Variants in ST6GALNAC3 observed in about 807,000 individuals in gnomAD.
ST6GALNAC3 encodes alpha-N-acetylgalactosaminide alpha-2,6-sialyltransferase 3.
In ST6GALNAC3, 25 loss-of-function variants were observed where a neutral mutation model predicts 32.7. The ratio of observed to expected loss-of-function variants is 0.76; its 90% CI spans 0.56 to 1.07. ST6GALNAC3 has a LOEUF of 1.07. Among genes scored for constraint, ST6GALNAC3 ranks in the 50% least tolerant of loss-of-function variants. The pLI, the probability that ST6GALNAC3 is intolerant of heterozygous loss-of-function variation, is 0.00. For synonymous variants in ST6GALNAC3, 129 were observed against 133.1 expected, an observed-to-expected ratio of 0.97 and a Z score of 0.21; for missense variants, 355 against 382.4, an observed-to-expected ratio of 0.93 and a Z score of 0.60.
At chr1:76,184,629 C>G (rs1653434068) in intron 1 of ST6GALNAC3, among the ~76,000 whole-genome samples, 1 of 151,434 alleles carries the variant, frequency 6.6e-6, no homozygotes, top group African/African-American at 2.4e-5. Flanking sequence ...AATGGCAGTA[C>G]AAAATTGAGC....
At chr1:76,101,088 G>T (rs1647213855) in intron 1 of ST6GALNAC3, among the ~76,000 whole-genome samples, 1 of 151,922 alleles carries the variant, frequency 6.6e-6, no homozygotes, top group African/African-American at 2.4e-5. Flanking sequence ...TATGAGTTTT[G>T]GACAAATATA....
chr1:76,075,026 A>G (rs1646793710), intron 1 of ST6GALNAC3, 142 bp downstream of exon 1: 1 of 1,046,714 alleles, frequency 9.6e-7, no homozygotes, highest in Non-Finnish European at 1.4e-6. Context: ...CCTTTGGCAA[A>G]TGCATATGGA....
chr1:76,460,595 G>T (rs1658214746), intron 3 of ST6GALNAC3, among the ~76,000 whole-genome samples: 1 of 152,160 alleles, frequency 6.6e-6, no homozygotes, highest in African/African-American at 2.4e-5. Context: ...CATCTGTAAA[G>T]TTTCATCACT....
chr1:76,341,586 T>C (rs575117746), intron 2 of ST6GALNAC3, among the ~76,000 whole-genome samples: 1 of 151,884 alleles, frequency 6.6e-6, no homozygotes, highest in East Asian at 2.0e-4. Context: ...TTTAGTTCTT[T>C]CAGAAATCTC....
At chr1:76,609,615 G>T (rs566150369) in intron 3 of ST6GALNAC3, among the ~76,000 whole-genome samples, 1 of 152,050 alleles carries the variant, frequency 6.6e-6, no homozygotes, top group Admixed American at 6.6e-5. Context: ...AAAAAATTGG[G>T]GGTGGGGAGA....
intron 2 of ST6GALNAC3, among the ~76,000 whole-genome samples, chr1:76,392,325 C>T (rs1198808129): frequency 6.6e-6 from 1 of 152,032 alleles, no homozygotes; most frequent in African/African-American, 2.4e-5. Context: ...ACATTATTTC[C>T]AACAACATTC....
intron 2 of ST6GALNAC3, among the ~76,000 whole-genome samples, chr1:76,351,073 G>A (rs945782741): frequency 6.6e-6 from 1 of 152,156 alleles, no homozygotes; most frequent in Non-Finnish European, 1.5e-5. Flanking sequence ...AGCTTTCACT[G>A]AGAGATTAAT....
intron 3 of ST6GALNAC3, among the ~76,000 whole-genome samples, chr1:76,500,193 T>G (rs1419873963): frequency 6.6e-6 from 1 of 152,208 alleles, no homozygotes; most frequent in Non-Finnish European, 1.5e-5. Flanking sequence ...ATATTTCTAC[T>G]TTTTGCATTT....
intron 1 of ST6GALNAC3, among the ~76,000 whole-genome samples, chr1:76,221,597 T>C (rs1219761270): frequency 2.0e-5 from 3 of 152,194 alleles, no homozygotes; most frequent in Non-Finnish European, 4.4e-5. Flanking sequence ...TTCATAGTCA[T>C]AGTCCCATGC....
rs552658310 is a variant in ST6GALNAC3 at position 76,230,194 on chromosome 1, C to T, written c.19-83611C>T. Among the ~76,000 whole-genome samples, 6 of 152,286 alleles carry T rather than the reference C, an allele frequency of 3.9e-5. No homozygotes were observed. The South Asian group carries it at 1.0e-3, about 26-fold the overall frequency. ...TTCAATGACATTTCAGCAGTGACTT[C>T]TTCCCAAACCTTAAGGAGTACATAT... On this transcript the variant is annotated intron_variant, in intron 1 of 4. Transcript: ENST00000328299.
intron 2 of ST6GALNAC3, among the ~76,000 whole-genome samples, chr1:76,360,239 C>T (rs1358738622): frequency 6.6e-6 from 1 of 152,196 alleles, no homozygotes; most frequent in Non-Finnish European, 1.5e-5. Flanking sequence ...TTACTTCATG[C>T]AGGGTCTAAA....
At chr1:76,352,937 C>A (rs1649113925) in intron 2 of ST6GALNAC3, among the ~76,000 whole-genome samples, 1 of 152,138 alleles carries the variant, frequency 6.6e-6, no homozygotes, top group Non-Finnish European at 1.5e-5. Context: ...GTCCACTTCT[C>A]TTGATTTTCC....
intron 1 of ST6GALNAC3, among the ~76,000 whole-genome samples, chr1:76,101,432 C>T (rs1256217370): frequency 6.6e-6 from 1 of 152,220 alleles, no homozygotes; most frequent in East Asian, 1.9e-4. Flanking sequence ...CTTGGTTGCT[C>T]CAAGTTTTGG....
intron 3 of ST6GALNAC3, among the ~76,000 whole-genome samples, chr1:76,489,709 C>T (rs561235095): frequency 6.6e-6 from 1 of 152,108 alleles, no homozygotes; most frequent in Non-Finnish European, 1.5e-5. Context: ...GACTTAGGTG[C>T]GTTCTCCGCC....
chr1:76,483,000 T>A (rs1223745222), intron 3 of ST6GALNAC3, among the ~76,000 whole-genome samples: 1 of 151,794 alleles, frequency 6.6e-6, no homozygotes, highest in Non-Finnish European at 1.5e-5. Context: ...CTTGCGACAG[T>A]TTGCTGAGAA....
intron 1 of ST6GALNAC3, among the ~76,000 whole-genome samples, chr1:76,292,793 A>G (rs951929093): frequency 1.3e-5 from 2 of 152,250 alleles, no homozygotes; most frequent in East Asian, 3.9e-4. Context: ...GTAGCCCCAC[A>G]TGTCAGTTAT....
At chr1:76,281,259 C>G (rs1659484999) in intron 1 of ST6GALNAC3, among the ~76,000 whole-genome samples, 1 of 152,126 alleles carries the variant, frequency 6.6e-6, no homozygotes, top group African/African-American at 2.4e-5. Flanking sequence ...CAAATTTTCT[C>G]TCTTAGAAGG....
At chr1:76,128,179 G>A (rs934054700) in intron 1 of ST6GALNAC3, among the ~76,000 whole-genome samples, 3 of 152,092 alleles carry the variant, frequency 2.0e-5, no homozygotes, top group Non-Finnish European at 4.4e-5. Context: ...CAGCATACAA[G>A]GTGCTTGTTG....
At chr1:76,511,828 A>C (rs1661883345) in intron 3 of ST6GALNAC3, among the ~76,000 whole-genome samples, 1 of 152,232 alleles carries the variant, frequency 6.6e-6, no homozygotes, top group South Asian at 2.1e-4. Flanking sequence ...CGTTCAGTTT[A>C]GGGATATGAA....
Sources: allele counts gnomAD v4.1 joint callset (sites outside exome capture counted in the v4.1 genomes callset), GRCh38; gene constraint gnomAD v4.1.1; transcripts MANE v1.5; gene names NCBI Gene and HGNC (gene_info 2026-07-23, HGNC 2026-07-21).